CDH18: variants seen among roughly 807,000 people sequenced by gnomAD.
CDH18 encodes cadherin 18, also known as cadherin-18.
A neutral mutation model predicts 67.9 loss-of-function variants in CDH18; 31 were observed. The ratio of observed to expected loss-of-function variants is 0.46; its 90% CI spans 0.34 to 0.62. The LOEUF is 0.62. Ranked by LOEUF, CDH18 falls within the 20% of genes least tolerant of loss-of-function variation. The pLI is 0.01. For synonymous variants in CDH18, 362 were observed against 347.2 expected (o/e 1.04, Z -0.48); for missense variants, 890 against 975.5 (o/e 0.91, Z 1.17).
Position 19,748,134 on chromosome 5 carries a change from G to GAAAAAAAAAAAAAAAAAAAAA in CDH18, c.229-899_229-898insTTTTTTTTTTTTTTTTTTTTT, listed in dbSNP as rs1554022366. Among the ~76,000 whole-genome samples, 2 of 67,136 alleles carry GAAAAAAAAAAAAAAAAAAAAA rather than the reference G, an allele frequency of 3.0e-5. 1 individual carries two copies. Among genetic ancestry groups the GAAAAAAAAAAAAAAAAAAAAA allele is most frequent in the Non-Finnish European group, 5.1e-5 (2 of 39,010 alleles). 44.0% of individuals were successfully genotyped at this position (67,136 alleles called of 152,430 possible). A position where few individuals can be genotyped will look rare whatever the true frequency, so the allele number is the denominator to read the frequency against. ...TCTCAAAAAAAAAAAAAAAAAAAAA[G>GAAAAAAAAAAAAAAAAAAAAA]AGTACTTTTTTAGGGATAGAGTATT... On this transcript the variant is annotated intron_variant, in intron 3 of 12. Transcript: ENST00000382275.
At chr5:19,898,224 T>A (rs908887983) in intron 2 of CDH18, among the ~76,000 whole-genome samples, 1 of 152,120 alleles carries the variant, frequency 6.6e-6, no homozygotes, top group African/African-American at 2.4e-5. Flanking sequence ...GTATGCCATA[T>A]CTTTTCATTA....
intron 12 of CDH18, among the ~76,000 whole-genome samples, chr5:19,479,136 T>C (rs1352685663): frequency 7.2e-5 from 11 of 152,178 alleles, no homozygotes; most frequent in Non-Finnish European, 1.6e-4. Context: ...GAAATGTCAT[T>C]CTCACAGGTT....
At chr5:19,686,597 T>G (rs1761126533) in intron 5 of CDH18, among the ~76,000 whole-genome samples, 1 of 152,164 alleles carries the variant, frequency 6.6e-6, no homozygotes, top group South Asian at 2.1e-4. Flanking sequence ...TTGTCTGTGT[T>G]CACCTAGTGT....
intron 3 of CDH18, among the ~76,000 whole-genome samples, chr5:19,781,475 A>C (rs570332130): frequency 6.6e-6 from 1 of 152,280 alleles, no homozygotes; most frequent in African/African-American, 2.4e-5. Flanking sequence ...GAAAACAACA[A>C]AGAGCAGGTG....
At chr5:20,249,309 T>A (rs1743630513) in intron 2 of CDH18, among the ~76,000 whole-genome samples, 1 of 152,006 alleles carries the variant, frequency 6.6e-6, no homozygotes, top group Non-Finnish European at 1.5e-5. Context: ...AATAAATAAA[T>A]TTTTTTATTT....
At chr5:19,514,716 G>A (rs769137383) in intron 10 of CDH18, among the ~76,000 whole-genome samples, 34 of 152,124 alleles carry the variant, frequency 2.2e-4, no homozygotes, top group Non-Finnish European at 3.8e-4. Flanking sequence ...TTGTACATTT[G>A]TTTAAGTTAT....
chr5:20,164,666 A>G (rs759943432), intron 2 of CDH18, among the ~76,000 whole-genome samples: 67 of 152,202 alleles, frequency 4.4e-4, no homozygotes, highest in Non-Finnish European at 7.8e-4. Context: ...CTAGTTAAAT[A>G]TAAGTAAATT....
intron 5 of CDH18, among the ~76,000 whole-genome samples, chr5:19,697,868 A>G (rs962093001): frequency 6.6e-6 from 1 of 152,118 alleles, no homozygotes; most frequent in Admixed American, 6.6e-5. Context: ...CTGCCCAGGG[A>G]TCCACCTCTA....
rs540243667 is a variant in CDH18, at chr5:20,186,222, G to C, written c.-518+69222C>G. Among the ~76,000 whole-genome samples the C allele has an allele frequency of 6.6e-5, 10 of 152,082 alleles. No individual in the cohort carries two copies. In the South Asian group the frequency reaches 1.4e-3, roughly 22 times the overall value. ...ATTAGTAGAAAACATGGGAAACATTGTCATGGCATTGGATTTGGCAATGAT... is the reference window on the plus strand; with the variant it reads ...ATTAGTAGAAAACATGGGAAACATTCTCATGGCATTGGATTTGGCAATGAT... On this transcript the variant is annotated intron_variant, in intron 2 of 14. Coordinates refer to the CDH18 transcript ENST00000507958.
chr5:20,156,333 G>A (rs1751522129), intron 2 of CDH18, among the ~76,000 whole-genome samples: 1 of 152,104 alleles, frequency 6.6e-6, no homozygotes, highest in African/African-American at 2.4e-5. Context: ...CAACCTAAGT[G>A]TCCAACAACT....
At chr5:19,511,153 C>T (rs1271711183) in intron 10 of CDH18, among the ~76,000 whole-genome samples, 1 of 152,082 alleles carries the variant, frequency 6.6e-6, no homozygotes, top group Non-Finnish European at 1.5e-5. Flanking sequence ...CATCTCTCAG[C>T]ACTTCTCTTT....
At chr5:20,003,777 A>G (rs1174960554) in intron 2 of CDH18, among the ~76,000 whole-genome samples, 3 of 152,130 alleles carry the variant, frequency 2.0e-5, no homozygotes. Context: ...GGGCGCCTGT[A>G]GTCCCAGCTA....
At chr5:19,796,662 T>A in intron 3 of CDH18, among the ~76,000 whole-genome samples, 1 of 151,848 alleles carries the variant, frequency 6.6e-6, no homozygotes, top group Non-Finnish European at 1.5e-5. Flanking sequence ...AGTGAAAAAA[T>A]GCAATAGGCT....
In CDH18 at chr5:19,549,911, G is replaced by A. The variant is rs139026603; in HGVS notation, c.1254-5906C>T. ...GAGTATAAAATTCCAAGGCATAAAA[G>A]CTTCATGAAGGACATGGTATTTGAT... On this transcript the variant is annotated intron_variant, in intron 8 of 12. Coordinates refer to ENST00000382275, the MANE Select transcript of CDH18 (RefSeq NM_004934.5). Among the ~76,000 whole-genome samples the A allele has an allele frequency of 8.1e-3, 1,234 of 152,168 alleles. 11 individuals carry two copies. The highest frequency in any genetic ancestry group is 0.012 in the Non-Finnish European group (795 of 68,000).
At chr5:20,176,872 G>A (rs889954667) in intron 2 of CDH18, among the ~76,000 whole-genome samples, 10 of 152,014 alleles carry the variant, frequency 6.6e-5, no homozygotes, top group African/African-American at 2.4e-4. Context: ...TAACTTTTCA[G>A]CCTAGGAGGT....
rs34529548 is a variant in CDH18 at position 20,232,017 on chromosome 5, A to ATT, written c.-518+23425_-518+23426dup. On this transcript the variant is annotated intron_variant, in intron 2 of 14. Coordinates refer to the CDH18 transcript ENST00000507958. The stretch of plus-strand genomic sequence containing the variant: ...AAATAAACACTCAAACTCTTCTAAT[A>ATT]TTTTTTTACCAAATATAAATACAAG... 2.5e-3 allele frequency among the ~76,000 whole-genome samples: 378 copies of ATT among 152,078 alleles called. 1 individual carries two copies. The highest frequency in any genetic ancestry group is 8.5e-3 in the African/African-American group (354 of 41,490).
At chr5:19,704,677 T>C (rs1026531948) in intron 5 of CDH18, among the ~76,000 whole-genome samples, 2 of 152,144 alleles carry the variant, frequency 1.3e-5, no homozygotes, top group Non-Finnish European at 2.9e-5. Context: ...CCAATTTGGA[T>C]AGAACATTGG....
chr5:20,179,012 G>C (rs1580415959), intron 2 of CDH18, among the ~76,000 whole-genome samples: 1 of 152,114 alleles, frequency 6.6e-6, no homozygotes, highest in Non-Finnish European at 1.5e-5. Context: ...CCAGAAGGCA[G>C]AAGCCATAGT....
intron 3 of CDH18, among the ~76,000 whole-genome samples, chr5:19,774,186 C>A (rs1306727404): frequency 2.0e-5 from 3 of 151,988 alleles, no homozygotes; most frequent in African/African-American, 7.2e-5. Flanking sequence ...ATTTTGGAGC[C>A]TGGGCAGAAA....
Sources: allele counts gnomAD v4.1 joint callset (sites outside exome capture counted in the v4.1 genomes callset), GRCh38; gene constraint gnomAD v4.1.1; transcripts MANE v1.5; gene names NCBI Gene and HGNC (gene_info 2026-07-23, HGNC 2026-07-21).